CREB5: variants seen among roughly 807,000 people sequenced by gnomAD.
CREB5 encodes the protein cAMP responsive element binding protein 5.
CREB5 carries 19 observed loss-of-function variants against 57.1 expected under a neutral mutation model. The observed-to-expected ratio is 0.33, with a 90% CI of 0.23 to 0.49. The LOEUF (loss-of-function observed/expected upper bound fraction) is 0.49. CREB5 is among the 20% of genes least tolerant of loss of function. The pLI, the probability that CREB5 is intolerant of heterozygous loss-of-function variation, is 0.99. For synonymous variants in CREB5, 238 were observed against 238.3 expected (o/e 1.00, Z 0.01); for missense variants, 579 against 671.6 (o/e 0.86, Z 1.52).
intron 4 of CREB5, among the ~76,000 whole-genome samples, chr7:28,556,368 G>A (rs1794876621): frequency 1.3e-5 from 2 of 152,152 alleles, no homozygotes; most frequent in Admixed American, 6.5e-5. Flanking sequence ...GTTCAGAGGA[G>A]CCACGCTTGC....
chr7:28,651,156 T>C (rs551100848), intron 5 of CREB5, among the ~76,000 whole-genome samples: 1 of 152,254 alleles, frequency 6.6e-6, no homozygotes, highest in South Asian at 2.1e-4. Context: ...GTAAAACCAA[T>C]ATATCTTTGA....
chr7:28,410,451 A>T, upstream of CREB5: 1 of 456,744 alleles, frequency 2.2e-6, no homozygotes, highest in Non-Finnish European at 4.4e-6. Context: ...TAGAGGGGCA[A>T]GATGCGAAGG....
At position 28,492,006 on chromosome 7, in the gene CREB5, T is replaced by C. The variant is rs1015458256; in HGVS notation, c.76-2900T>C. ...GGTTTTTTTGTTTTTTGTCTCGTTT[T>C]GTTTTGTTTTGAGATGGTGTTGCAC... On this transcript the variant is annotated intron_variant, in intron 2 of 10. Coordinates refer to ENST00000357727, the MANE Select transcript of CREB5 (RefSeq NM_182898.4). 3.3e-5 allele frequency among the ~76,000 whole-genome samples: 5 copies of C among 152,132 alleles called. No individual in the cohort carries two copies. The East Asian group carries it at 9.7e-4, about 29-fold the overall frequency.
Position 28,804,251 on chromosome 7 carries a change from T to C in CREB5, c.755T>C (p.Met252Thr). The part of the protein sequence containing the change: ...HHPAAMSNGN[M>T]NTMGHMMEMM... ...CCTGCTGCCATGTCAAATGGGAACA[T>C]GAACACCATGGGACACATGATGGAG... Residue 252 changes from methionine (M) to threonine (T), a missense_variant, in exon 8 of 11, where the codon ATG becomes ACG. Met to Thr is a moderately conservative substitution (Grantham distance 81). Transcript: ENST00000357727. 6.2e-7 allele frequency: 1 copy of C among 1,614,082 alleles called. No individual in the cohort carries two copies. Among genetic ancestry groups the C allele is most frequent in the South Asian group, 1.1e-5 (1 of 91,078 alleles).
intron 7 of CREB5, among the ~76,000 whole-genome samples, chr7:28,737,569 ATATATATATAT>A (rs1562606677): frequency 5.1e-5 from 5 of 97,122 alleles, no homozygotes; most frequent in African/African-American, 2.2e-4. Context: ...ATATATATAT[ATATATATATAT>A]ATATATATTT....
intron 2 of CREB5, among the ~76,000 whole-genome samples, chr7:28,489,410 C>T (rs1326581525): frequency 2.0e-5 from 3 of 149,218 alleles, no homozygotes. Context: ...TGCCATTCTC[C>T]TGCCTCAGCC....
intron 1 of CREB5, among the ~76,000 whole-genome samples, chr7:28,425,182 T>C (rs1413869120): frequency 6.6e-6 from 1 of 151,908 alleles, no homozygotes. Flanking sequence ...TGGCCAAAAA[T>C]GTGGAAATAA....
intron 1 of CREB5, among the ~76,000 whole-genome samples, chr7:28,364,485 T>TGA (rs2127992695): frequency 6.6e-6 from 1 of 152,354 alleles, no homozygotes; most frequent in Admixed American, 6.5e-5. Flanking sequence ...TAGAATGCAC[T>TGA]GAGAGTGCAT....
At chr7:28,779,277 C>T (rs572339835) in intron 7 of CREB5, 10 of 152,078 alleles carry the variant, frequency 6.6e-5, no homozygotes, top group Admixed American at 4.6e-4. Flanking sequence ...AGCTCTGTTT[C>T]GGAGGAGAAG....
At chr7:28,789,222 A>G (rs887059683) in intron 7 of CREB5, among the ~76,000 whole-genome samples, 5 of 152,204 alleles carry the variant, frequency 3.3e-5, no homozygotes, top group African/African-American at 7.2e-5. Flanking sequence ...TATAGGTATT[A>G]TATGAATCAC....
intron 7 of CREB5, among the ~76,000 whole-genome samples, chr7:28,731,119 G>A (rs1041154181): frequency 2.0e-5 from 3 of 152,130 alleles, no homozygotes; most frequent in Admixed American, 6.5e-5. Context: ...AGAATTAAAA[G>A]CAATAGCACT....
upstream of CREB5, chr7:28,410,461 G>A (rs1787734580): frequency 4.4e-6 from 2 of 456,592 alleles, no homozygotes; most frequent in South Asian, 3.1e-5. Flanking sequence ...AGATGCGAAG[G>A]AAGGAACCAA....
At chr7:28,585,987 A>G (rs971507017) in intron 5 of CREB5, among the ~76,000 whole-genome samples, 6 of 152,194 alleles carry the variant, frequency 3.9e-5, no homozygotes, top group African/African-American at 1.4e-4. Flanking sequence ...TATTTGTTTG[A>G]ATTCTCCTAT....
At chr7:28,732,564 G>A (rs892903018) in intron 7 of CREB5, among the ~76,000 whole-genome samples, 4 of 152,096 alleles carry the variant, frequency 2.6e-5, no homozygotes, top group Non-Finnish European at 4.4e-5. Flanking sequence ...GAAAAAAAAA[G>A]GAAATTTAAC....
chr7:28,354,237 G>A (rs1037547465), intron 1 of CREB5, among the ~76,000 whole-genome samples: 1 of 152,188 alleles, frequency 6.6e-6, no homozygotes, highest in South Asian at 2.1e-4. Flanking sequence ...ATCTGTGAGG[G>A]TGTTGCCAAA....
intron 5 of CREB5, among the ~76,000 whole-genome samples, chr7:28,702,853 T>A (rs552602326): frequency 6.6e-5 from 10 of 152,194 alleles, no homozygotes; most frequent in African/African-American, 2.2e-4. Flanking sequence ...ACCTAAAGGA[T>A]GAATGAGAAT....
intron 4 of CREB5, among the ~76,000 whole-genome samples, chr7:28,509,909 G>T (rs1300849697): frequency 6.6e-6 from 1 of 152,140 alleles, no homozygotes; most frequent in Non-Finnish European, 1.5e-5. Context: ...ATGGGAAGCT[G>T]GACAATATTC....
chr7:28,347,576 T>C lies in CREB5; in HGVS notation c.-25+48135T>C, dbSNP rs1786086851. Among the ~76,000 whole-genome samples, 3 of 152,228 alleles carry C rather than the reference T, an allele frequency of 2.0e-5. No homozygotes were observed. The South Asian group carries it at 6.2e-4, about 32-fold the overall frequency. On this transcript the variant is annotated intron_variant, in intron 1 of 9. Coordinates refer to the CREB5 transcript ENST00000396299. The stretch of plus-strand genomic sequence containing the variant: ...CAAATTATGAAATTTTTCTAATTCT[T>C]AGAGTGTCATTAAACAGCTGTTGTT...
chr7:28,334,563 G>C (rs966003095), intron 1 of CREB5, among the ~76,000 whole-genome samples: 1 of 152,160 alleles, frequency 6.6e-6, no homozygotes, highest in Admixed American at 6.6e-5. Flanking sequence ...TTTTCCTGTA[G>C]AGTTGCTTGA....
Sources: allele counts gnomAD v4.1 joint callset (sites outside exome capture counted in the v4.1 genomes callset), GRCh38; gene constraint gnomAD v4.1.1; transcripts MANE v1.5; gene names NCBI Gene and HGNC (gene_info 2026-07-23, HGNC 2026-07-21).